SCAMP5: variants seen among roughly 807,000 people sequenced by gnomAD.
SCAMP5 encodes secretory carrier-associated membrane protein 5.
In SCAMP5, 7 loss-of-function variants were observed where a neutral mutation model predicts 28.3. That is an observed-to-expected ratio of 0.25 (90% CI 0.14 to 0.46). SCAMP5 has a LOEUF of 0.46. Among genes scored for constraint, SCAMP5 ranks in the 20% least tolerant of loss-of-function variants. The pLI is 0.99. For missense variants in SCAMP5, 192 were observed against 312.5 expected (o/e 0.61, Z 2.91); for synonymous variants, 117 against 116.4 (o/e 1.00, Z -0.03).
At position 75,018,602 on chromosome 15, in the gene SCAMP5, C is replaced by A; in HGVS notation, c.513+67C>A. 8.1e-7 allele frequency: 1 copy of A among 1,229,852 alleles called. No individual in the cohort carries two copies. The highest frequency in any genetic ancestry group is 1.2e-6 in the Non-Finnish European group (1 of 829,712). The allele number at this position is 1,229,852 out of a possible 1,614,324, so 76.2% of individuals were successfully genotyped here. A position where few individuals can be genotyped will look rare whatever the true frequency, so the allele number is the denominator to read the frequency against. On this transcript the variant is annotated intron_variant, in intron 6 of 6. Transcript: ENST00000425597. The surrounding 1 kb of genome is among the most constrained non-coding windows in gnomAD (Gnocchi z 5.6). The stretch of plus-strand genomic sequence containing the variant: ...GGGCCATGTTCTGAAACAAGCCCTC[C>A]TCCAAGTTGCAAGAGGATCCCGAGG...
chr15:74,996,565 G>A lies in SCAMP5; in HGVS notation c.-49+892G>A, dbSNP rs1415906757. ...CAGAGGTGATGGGATTTGGGTGGGA[G>A]GAGAGGCAAGAGAGGGCATTCCAGG... is the stretch of plus-strand genomic sequence containing the variant. On this transcript the variant is annotated intron_variant, in intron 1 of 6. Transcript: ENST00000425597. This position sits in a 1 kb window ranked among gnomAD's most constrained non-coding sequence, Gnocchi z 4.1. 6.6e-6 allele frequency among the ~76,000 whole-genome samples: 1 copy of A among 152,200 alleles called. No individual in the cohort carries two copies. The highest frequency in any genetic ancestry group is 1.9e-4 in the East Asian group (1 of 5,192).
At chr15:74,999,689 C>G (rs545274463) in intron 1 of SCAMP5, among the ~76,000 whole-genome samples, 3 of 152,202 alleles carry the variant, frequency 2.0e-5, no homozygotes, top group Admixed American at 1.3e-4. Flanking sequence ...GTAGTCCCAG[C>G]TACTCGGGAG....
chr15:75,005,981 CTTT>C lies in SCAMP5; in HGVS notation c.-48-5792_-48-5790del, dbSNP rs527501720. Among the ~76,000 whole-genome samples the C allele has an allele frequency of 2.1e-3, 169 of 81,004 alleles. 1 individual carries two copies. Among genetic ancestry groups the C allele is most frequent in the African/African-American group, 7.5e-3 (140 of 18,738 alleles). 53.1% of individuals were successfully genotyped at this position (81,004 alleles called of 152,430 possible). On this transcript the variant is annotated intron_variant, in intron 1 of 6. Coordinates refer to ENST00000425597, the MANE Select transcript of SCAMP5 (RefSeq NM_138967.4). ...CCTCAAGTGATCCGCCTCGGCCTCC[CTTT>C]TTTTTTTTTTTTTTTTTTGCTTTGT...
rs1567035603 is a variant in SCAMP5 at position 75,019,417 on chromosome 15, G to A, written c.*434G>A. ...AGCAGAAAGACTGGCCCCTTCCTAG[G>A]GTTATGAGCTGGAACTGTTTCTACT... On this transcript the variant is annotated 3_prime_UTR_variant, in exon 7 of 7. Transcript: ENST00000425597. 1 of 150,410 alleles carries A rather than the reference G, an allele frequency of 6.6e-6. No homozygotes were observed. Among genetic ancestry groups the A allele is most frequent in the Non-Finnish European group, 1.5e-5 (1 of 67,268 alleles). The allele number at this position is 150,410 out of a possible 1,614,324, so 9.3% of individuals were successfully genotyped here.
Position 75,021,410 on chromosome 15 carries a change from C to G in SCAMP5, c.*2427C>G, listed in dbSNP as rs1041159283. ...CCCTGTTTCTGGAGCTGGATGTTCC[C>G]CAGCTGGCAGTTGAGCTGCCTGAGC... On this transcript the variant is annotated 3_prime_UTR_variant, in exon 7 of 7. Coordinates refer to ENST00000425597, the MANE Select transcript of SCAMP5 (RefSeq NM_138967.4). 2.6e-5 allele frequency: 4 copies of G among 152,374 alleles called. No individual in the cohort carries two copies. The highest frequency in any genetic ancestry group is 4.4e-5 in the Non-Finnish European group (3 of 68,188). The allele number at this position is 152,374 out of a possible 1,614,324, so 9.4% of individuals were successfully genotyped here. A position where few individuals can be genotyped will look rare whatever the true frequency, so the allele number is the denominator to read the frequency against.
rs185241803 is a variant in SCAMP5 at position 75,016,797 on chromosome 15, C to T, written c.293+48C>T. 3,240 of 1,487,846 alleles carry T rather than the reference C, an allele frequency of 2.2e-3. 9 individuals are homozygous for T. Among genetic ancestry groups the T allele is most frequent in the South Asian group, 4.6e-3 (377 of 81,330 alleles). The allele number at this position is 1,487,846 out of a possible 1,614,324, so 92.2% of individuals were successfully genotyped here. A position where few individuals can be genotyped will look rare whatever the true frequency, so the allele number is the denominator to read the frequency against. ...AGTGCCTAGCCGTCTCTGCCCATCTCCCCTGTCTCTTCTCCATATCTTTTC... is the reference window on the plus strand; with the variant it reads ...AGTGCCTAGCCGTCTCTGCCCATCTTCCCTGTCTCTTCTCCATATCTTTTC... On this transcript the variant is annotated intron_variant, in intron 4 of 6. Transcript: ENST00000425597.
rs960482757 is a variant in SCAMP5, at chr15:74,995,614, C to T, written c.-108C>T. 1 of 146,670 alleles carries T rather than the reference C, an allele frequency of 6.8e-6. No individual in the cohort carries two copies. The highest frequency in any genetic ancestry group is 1.5e-5 in the Non-Finnish European group (1 of 66,314). 9.1% of individuals were successfully genotyped at this position (146,670 alleles called of 1,614,324 possible). A position where few individuals can be genotyped will look rare whatever the true frequency, so the allele number is the denominator to read the frequency against. ...GCGGCCGGCTCCGCGCCGCATCGCT[C>T]GGGTGCAGCGCAGCTCAGCGCAGCG... On this transcript the variant is annotated 5_prime_UTR_variant, in exon 1 of 7. Coordinates refer to ENST00000425597, the MANE Select transcript of SCAMP5 (RefSeq NM_138967.4).
intron 1 of SCAMP5, among the ~76,000 whole-genome samples, chr15:75,001,365 C>G (rs1448110016): frequency 3.3e-5 from 5 of 151,826 alleles, no homozygotes; most frequent in African/African-American, 9.7e-5. Context: ...TGTGTTACCA[C>G]AGCTTTCTGA....
At position 75,012,875 on chromosome 15, in the gene SCAMP5, C is replaced by T. The variant is rs7342649; in HGVS notation, c.136+70C>T. 4.6e-3 allele frequency: 7,023 copies of T among 1,513,810 alleles called. 232 individuals are homozygous for T. In the African/African-American group the frequency reaches 0.08, roughly 17 times the overall value. 93.8% of individuals were successfully genotyped at this position (1,513,810 alleles called of 1,614,324 possible). Reference sequence around the variant, plus strand: ...CAGGAAGACTGGGCGTGCTGGGCAGCGGGGTGGGGTGCCCACAGGCCTGAC... The same window carrying T: ...CAGGAAGACTGGGCGTGCTGGGCAGTGGGGTGGGGTGCCCACAGGCCTGAC... On this transcript the variant is annotated intron_variant, in intron 3 of 6. Transcript: ENST00000425597.
chr15:75,002,667 C>T lies in SCAMP5; in HGVS notation c.-49+6994C>T, dbSNP rs142127000. On this transcript the variant is annotated intron_variant, in intron 1 of 6. Coordinates refer to ENST00000425597, the MANE Select transcript of SCAMP5 (RefSeq NM_138967.4). ...TCTGCCCCTGGCTATGGAGACTCCA[C>T]GCTCTCTGGGCTTTCCTCGTGTCTC... 1.1e-3 allele frequency among the ~76,000 whole-genome samples: 163 copies of T among 152,034 alleles called. 1 individual carries two copies. Among genetic ancestry groups the T allele is most frequent in the Non-Finnish European group, 1.8e-3 (121 of 68,004 alleles).
chr15:75,015,925 CAAAAAAA>C (rs71308031), intron 3 of SCAMP5, among the ~76,000 whole-genome samples: 10 of 63,052 alleles, frequency 1.6e-4, no homozygotes, highest in East Asian at 8.2e-4. Context: ...AATTCCATCT[CAAAAAAA>C]AAAAAAAAAA....
chr15:75,006,392 C>T (rs927331245), intron 1 of SCAMP5, among the ~76,000 whole-genome samples: 4 of 152,104 alleles, frequency 2.6e-5, no homozygotes, highest in Non-Finnish European at 5.9e-5. Flanking sequence ...GTGGCTCATA[C>T]CTGTAATCCC....
At position 74,999,009 on chromosome 15, in the gene SCAMP5, C is replaced by T. The variant is rs544953890; in HGVS notation, c.-49+3336C>T. On this transcript the variant is annotated intron_variant, in intron 1 of 6. Coordinates refer to ENST00000425597, the MANE Select transcript of SCAMP5 (RefSeq NM_138967.4). ...CCTCTCCCTCTGCTTCCTTGTTTTC[C>T]TGGAGGTCTTTAGTGCTGGACCACA... Among the ~76,000 whole-genome samples the T allele has an allele frequency of 4.0e-4, 61 of 152,268 alleles. No homozygotes were observed. In the South Asian group the frequency reaches 0.012, roughly 30 times the overall value.
chr15:75,001,500 G>A (rs569940840), intron 1 of SCAMP5, among the ~76,000 whole-genome samples: 7 of 151,940 alleles, frequency 4.6e-5, no homozygotes, highest in Admixed American at 2.6e-4. Context: ...ATTGGGCTAG[G>A]TGCAGTGGCT....
intron 1 of SCAMP5, among the ~76,000 whole-genome samples, chr15:74,999,261 T>C (rs2141421789): frequency 6.6e-6 from 1 of 152,342 alleles, no homozygotes; most frequent in South Asian, 2.1e-4. Context: ...ATGAATTGCC[T>C]CTTCCGTGTT....
At position 75,012,798 on chromosome 15, in the gene SCAMP5, C is replaced by G. The variant is rs761981241; in HGVS notation, c.129C>G (p.Leu43=). ...HVSMTKRLYY[L]WMLNSVTLAV... ...GCATGACCAAGCGCCTCTACTACCT[C>G]TGGATGTGTGAGTGCCATGGGATGG... The change falls in exon 3 of 7, where the codon CTC becomes CTG. Residue 43 remains leucine, a synonymous_variant. Transcript: ENST00000425597. The G allele has an allele frequency of 6.2e-7, 1 of 1,614,032 alleles. No individual in the cohort carries two copies. Among genetic ancestry groups the G allele is most frequent in the South Asian group, 1.1e-5 (1 of 91,092 alleles).
Position 75,017,806 on chromosome 15 carries a change from G to A in SCAMP5, c.294-64G>A, listed in dbSNP as rs746025861. The A allele has an allele frequency of 3.1e-5, 31 of 998,682 alleles. 1 individual carries two copies. In the South Asian group the frequency reaches 3.9e-4, roughly 13 times the overall value. The allele number at this position is 998,682 out of a possible 1,614,324, so 61.9% of individuals were successfully genotyped here. ...CACTTAAACTTGGAAGGGCTTGGGG[G>A]CCTTGAAGGCAGGGAAGCCCTGGCC... On this transcript the variant is annotated intron_variant, in intron 4 of 6. Coordinates refer to ENST00000425597, the MANE Select transcript of SCAMP5 (RefSeq NM_138967.4).
At chr15:75,015,993 C>T (rs1268260591) in intron 3 of SCAMP5, among the ~76,000 whole-genome samples, 1 of 152,024 alleles carries the variant, frequency 6.6e-6, no homozygotes, top group East Asian at 1.9e-4. Context: ...AATGCCTGCC[C>T]CATTTAAGTG....
chr15:75,019,372 C>G lies in SCAMP5; in HGVS notation c.*389C>G. The G allele has an allele frequency of 6.4e-6, 1 of 155,138 alleles. No individual in the cohort carries two copies. The highest frequency in any genetic ancestry group is 1.9e-4 in the East Asian group (1 of 5,364). 9.6% of individuals were successfully genotyped at this position (155,138 alleles called of 1,614,324 possible). The stretch of plus-strand genomic sequence containing the variant: ...CTCTGACCCTGGCCCAGGGACCCCT[C>G]ACGGGGCCAGGGGAGGCATAGCAGA... On this transcript the variant is annotated 3_prime_UTR_variant, in exon 7 of 7. Coordinates refer to ENST00000425597, the MANE Select transcript of SCAMP5 (RefSeq NM_138967.4).
Sources: gnomAD v4.1 joint callset for allele counts (sites outside exome capture counted in the v4.1 genomes callset) on GRCh38, gnomAD v4.1.1 for gene constraint, Gnocchi (gnomAD v3.1) non-coding constraint, MANE v1.5 for transcripts, NCBI Gene and HGNC (gene_info 2026-07-23, HGNC 2026-07-21) for gene names.